Variants in TGFA observed in about 807,000 individuals in gnomAD.
TGFA encodes transforming growth factor alpha.
TGFA carries 12 observed loss-of-function variants against 21.7 expected under a neutral mutation model. The observed-to-expected ratio is 0.55, with a 90% CI of 0.35 to 0.90. The LOEUF is 0.90. TGFA is among the 40% of genes least tolerant of loss of function. TGFA has a pLI of 0.01. For missense variants in TGFA, 178 were observed against 210.8 expected, an observed-to-expected ratio of 0.84 and a Z score of 0.96; for synonymous variants, 79 against 88.1, an observed-to-expected ratio of 0.90 and a Z score of 0.58.
chr2:70,515,319 T>C (rs1672238073), intron 1 of TGFA, among the ~76,000 whole-genome samples: 1 of 152,220 alleles, frequency 6.6e-6, no homozygotes, highest in Admixed American at 6.5e-5. Flanking sequence ...TTCACCCTGT[T>C]GTTCATGTCA....
rs181099721 is a variant in TGFA, at chr2:70,531,551, T to C, written c.41-16639A>G. ...AAGAGTCCACCATCTCAAGCAAGAA[T>C]GCAAATACACTGCGCTTGTATCACC... On this transcript the variant is annotated intron_variant, in intron 1 of 5. Transcript: ENST00000295400. Among the ~76,000 whole-genome samples, 318 of 152,370 alleles carry C rather than the reference T, an allele frequency of 2.1e-3. 2 individuals are homozygous for C. The highest frequency in any genetic ancestry group is 3.7e-3 in the Non-Finnish European group (249 of 68,036).
In TGFA at chr2:70,553,118, G is replaced by A. The variant is rs1673566240; in HGVS notation, c.40+610C>T. ...TTCGCTCCTGCCCTCGGCGGACACC[G>A]AAACCACTTCTCCCAGGGAAGTTAA... is the stretch of plus-strand genomic sequence containing the variant. On this transcript the variant is annotated intron_variant, in intron 1 of 5. Coordinates refer to ENST00000295400, the MANE Select transcript of TGFA (RefSeq NM_003236.4). The A allele has an allele frequency of 2.0e-6, 3 of 1,514,482 alleles. No homozygotes were observed. The South Asian group carries it at 3.6e-5, about 18-fold the overall frequency. The allele number at this position is 1,514,482 out of a possible 1,614,324, so 93.8% of individuals were successfully genotyped here. A position where few individuals can be genotyped will look rare whatever the true frequency, so the allele number is the denominator to read the frequency against.
chr2:70,534,241 G>C (rs1672906657), intron 1 of TGFA, among the ~76,000 whole-genome samples: 1 of 152,238 alleles, frequency 6.6e-6, no homozygotes, highest in African/African-American at 2.4e-5. Flanking sequence ...CGCTAAAGTT[G>C]GTGGGGACAA....
intron 2 of TGFA, among the ~76,000 whole-genome samples, chr2:70,471,115 C>CG (rs1670733642): frequency 7.1e-6 from 1 of 141,448 alleles, no homozygotes; most frequent in Non-Finnish European, 1.5e-5. Flanking sequence ...CCGCACCCCC[C>CG]CCACCATATA....
chr2:70,475,484 T>C (rs1670893708), intron 2 of TGFA, among the ~76,000 whole-genome samples: 1 of 152,150 alleles, frequency 6.6e-6, no homozygotes, highest in Admixed American at 6.5e-5. Context: ...TCTCGCCCTT[T>C]CTAATACAGC....
At chr2:70,465,306 T>A (rs1670520742) in intron 3 of TGFA, among the ~76,000 whole-genome samples, 1 of 152,230 alleles carries the variant, frequency 6.6e-6, no homozygotes. Flanking sequence ...GAATTAAATT[T>A]GAATCCAAGA....
At chr2:70,520,919 T>C (rs1672430964) in intron 1 of TGFA, among the ~76,000 whole-genome samples, 1 of 152,040 alleles carries the variant, frequency 6.6e-6, no homozygotes, top group South Asian at 2.1e-4. Context: ...GCAGTCATTG[T>C]CAGCCCTTCC....
intron 1 of TGFA, among the ~76,000 whole-genome samples, chr2:70,548,785 C>T (rs1673394675): frequency 6.6e-6 from 1 of 152,170 alleles, no homozygotes; most frequent in South Asian, 2.1e-4. Context: ...TAATCCTTAA[C>T]AGAATTTACC....
At chr2:70,492,267 C>T (rs1311668293) in intron 2 of TGFA, among the ~76,000 whole-genome samples, 1 of 152,192 alleles carries the variant, frequency 6.6e-6, no homozygotes, top group Non-Finnish European at 1.5e-5. Context: ...TTAACAGATA[C>T]TTGAATGCGC....
At chr2:70,533,943 C>A (rs1251818998) in intron 1 of TGFA, among the ~76,000 whole-genome samples, 1 of 151,720 alleles carries the variant, frequency 6.6e-6, no homozygotes, top group South Asian at 2.1e-4. Context: ...TAGCAATACA[C>A]TGTTTGCCAA....
At chr2:70,492,158 A>T (rs1671455503) in intron 2 of TGFA, among the ~76,000 whole-genome samples, 1 of 152,256 alleles carries the variant, frequency 6.6e-6, no homozygotes, top group Admixed American at 6.5e-5. Context: ...ATATAGACAA[A>T]ACTTTGGGAC....
At position 70,534,471 on chromosome 2, in the gene TGFA, C is replaced by T. The variant is rs183526671; in HGVS notation, c.40+19257G>A. On this transcript the variant is annotated intron_variant, in intron 1 of 5. Transcript: ENST00000295400. ...CTCAATGTGCCCCATGACTTCCAGG[C>T]GTGTCACTCACTGGGGGACAGACTG... Among the ~76,000 whole-genome samples, 217 of 152,234 alleles carry T rather than the reference C, an allele frequency of 1.4e-3. 2 individuals are homozygous for T. Among genetic ancestry groups the T allele is most frequent in the African/African-American group, 4.7e-3 (197 of 41,528 alleles).
chr2:70,535,829 G>T (rs1672954109), intron 1 of TGFA, among the ~76,000 whole-genome samples: 1 of 152,198 alleles, frequency 6.6e-6, no homozygotes, highest in South Asian at 2.1e-4. Context: ...ACTTTGAAGT[G>T]GTTCACTGGT....
At chr2:70,504,463 T>TATATATATATATATAC (rs1224115401) in intron 2 of TGFA, among the ~76,000 whole-genome samples, 62 of 48,852 alleles carry the variant, frequency 1.3e-3, no homozygotes, top group East Asian at 5.5e-3. Flanking sequence ...TATATATATA[T>TATATATATATATATAC]ACACACATAC....
At chr2:70,550,113 G>A (rs1553506574) in intron 1 of TGFA, among the ~76,000 whole-genome samples, 1 of 152,160 alleles carries the variant, frequency 6.6e-6, no homozygotes, top group Non-Finnish European at 1.5e-5. Flanking sequence ...GATCTATTTC[G>A]CCTCTGCCCA....
At chr2:70,498,768 T>C (rs1423833298) in intron 2 of TGFA, among the ~76,000 whole-genome samples, 1 of 152,120 alleles carries the variant, frequency 6.6e-6, no homozygotes, top group Non-Finnish European at 1.5e-5. Context: ...TGTTCTATAT[T>C]ATAGTTGACA....
intron 1 of TGFA, among the ~76,000 whole-genome samples, chr2:70,529,810 A>T (rs1275857941): frequency 6.6e-6 from 1 of 152,228 alleles, no homozygotes; most frequent in Non-Finnish European, 1.5e-5. Context: ...TGGGGACAGA[A>T]GAGGCCTTAA....
At position 70,501,028 on chromosome 2, in the gene TGFA, C is replaced by G. The variant is rs537065081; in HGVS notation, c.94+13831G>C. Among the ~76,000 whole-genome samples, 6 of 149,334 alleles carry G rather than the reference C, an allele frequency of 4.0e-5. No individual in the cohort carries two copies. In the South Asian group the frequency reaches 1.3e-3, roughly 31 times the overall value. ...TATGGAGCTCTTTCTCTGTTTTCTTCTAGTAGTTTCACAGTTTCAGATCTT... is the reference window on the plus strand; with the variant it reads ...TATGGAGCTCTTTCTCTGTTTTCTTGTAGTAGTTTCACAGTTTCAGATCTT... On this transcript the variant is annotated intron_variant, in intron 2 of 5. Transcript: ENST00000295400.
intron 1 of TGFA, among the ~76,000 whole-genome samples, chr2:70,521,617 GTTTTTT>G (rs35177436): frequency 3.4e-5 from 3 of 87,096 alleles, no homozygotes; most frequent in African/African-American, 4.6e-5. Context: ...TTGTTTGTTT[GTTTTTT>G]TTTTTTTTTT....
Sources: gnomAD v4.1 joint callset for allele counts (sites outside exome capture counted in the v4.1 genomes callset) on GRCh38, gnomAD v4.1.1 for gene constraint, MANE v1.5 for transcripts, NCBI Gene and HGNC (gene_info 2026-07-23, HGNC 2026-07-21) for gene names.